Variants in YARS1 observed in about 807,000 individuals in gnomAD.
YARS1 encodes tyrosyl-tRNA synthetase 1.
A neutral mutation model predicts 62.2 loss-of-function variants in YARS1; 36 were observed. The ratio of observed to expected loss-of-function variants is 0.58; its 90% CI spans 0.44 to 0.76. The LOEUF is 0.76. Among genes scored for constraint, YARS1 ranks in the 30% least tolerant of loss-of-function variants. The pLI, the probability that YARS1 is intolerant of heterozygous loss-of-function variation, is 0.00. For synonymous variants in YARS1, 234 were observed against 244.9 expected (o/e 0.96, Z 0.42); for missense variants, 524 against 639.8 (o/e 0.82, Z 1.95).
chr1:32,791,337 A>C, intron 5 of YARS1, 83 bp from the exon 6 acceptor site: 2 of 1,060,734 alleles, frequency 1.9e-6, no homozygotes, highest in Non-Finnish European at 3.0e-6. Flanking sequence ...CTTGGCCAGC[A>C]ACTGAGTAGT....
chr1:32,810,712 A>G lies in YARS1; in HGVS notation c.259T>C (p.Trp87Arg). The G allele has an allele frequency of 6.2e-7, 1 of 1,614,164 alleles. No homozygotes were observed. The highest frequency in any genetic ancestry group is 8.5e-7 in the Non-Finnish European group (1 of 1,180,022). The change falls in exon 3 of 13, where the codon TGG (tryptophan) becomes CGG (arginine). Residue 87 changes from tryptophan (W) to arginine (R), a missense_variant. Coordinates refer to ENST00000373477, the MANE Select transcript of YARS1 (RefSeq NM_003680.4). ...CTGACTCGGAGTTCTAGAAGTTCCC[A>G]TGGGGCTTTCATGTTATCCAGGTAT... ...HAYLDNMKAP[W>R]ELLELRVSYY...
chr1:32,782,358 A>T (rs745481662), intron 9 of YARS1, 46 bp downstream of exon 9: 43 of 1,613,594 alleles, frequency 2.7e-5, no homozygotes, highest in Non-Finnish European at 3.6e-5. Flanking sequence ...GCTCATTGAC[A>T]AGCTCTCTCT....
At chr1:32,805,805 C>CA (rs991485889) in intron 4 of YARS1, among the ~76,000 whole-genome samples, 5 of 151,720 alleles carry the variant, frequency 3.3e-5, no homozygotes, top group East Asian at 3.9e-4. Flanking sequence ...ACTAAAAATA[C>CA]AAAAAAAATC....
intron 4 of YARS1, among the ~76,000 whole-genome samples, chr1:32,803,035 T>G (rs1638342764): frequency 7.0e-6 from 1 of 143,130 alleles, no homozygotes. Flanking sequence ...CGGGCTGGAG[T>G]GCAATGGTGC....
At chr1:32,797,697 G>C in intron 5 of YARS1, 66 bp downstream of exon 5, 3 of 1,370,346 alleles carry the variant, frequency 2.2e-6, no homozygotes, top group Non-Finnish European at 3.1e-6. Context: ...ACACATCATA[G>C]TTCAATAAAC....
intron 6 of YARS1, among the ~76,000 whole-genome samples, chr1:32,788,253 T>C (rs1429471593): frequency 6.6e-6 from 1 of 152,166 alleles, no homozygotes; most frequent in Non-Finnish European, 1.5e-5. Context: ...GGTCCTTACT[T>C]ACAATTTTTT....
intron 4 of YARS1, chr1:32,798,364 A>G (rs1364958405): frequency 5.8e-6 from 1 of 172,012 alleles, no homozygotes; most frequent in African/African-American, 2.4e-5. Context: ...TGGGATAAAA[A>G]AATAAGAGTA....
At chr1:32,780,485 G>C in intron 10 of YARS1, 1 of 606,124 alleles carries the variant, frequency 1.6e-6, no homozygotes, top group African/African-American at 1.8e-5. Context: ...GGCCAGATTT[G>C]AGTAAAGTGG....
rs1425216754 is a variant in YARS1, at chr1:32,775,983, A to G, written c.1585T>C (p.Ter529GlnextTer12). 6.2e-7 allele frequency: 1 copy of G among 1,612,834 alleles called. No individual in the cohort carries two copies. Among genetic ancestry groups the G allele is most frequent in the Non-Finnish European group, 8.5e-7 (1 of 1,178,846 alleles). Residue 529 changes from the stop codon to glutamine, a stop_lost, in exon 13 of 13, where the codon TAG becomes CAG. Transcript: ENST00000373477. ...AAGGGGGGAAGATGCTGGGCTGGCT[A>G]GCTAATGTTCCCCCCTTTCAGCGAT... ...CKSLKGGNIS[*>Q] is the part of the protein sequence containing the mutation.
At chr1:32,792,992 A>G (rs1226662131) in intron 5 of YARS1, among the ~76,000 whole-genome samples, 1 of 152,022 alleles carries the variant, frequency 6.6e-6, no homozygotes, top group East Asian at 1.9e-4. Context: ...AGGCAGACAA[A>G]ATGGATGAAA....
At chr1:32,786,228 T>G (rs1285811675) in intron 8 of YARS1, 134 bp downstream of exon 8, 3 of 882,142 alleles carry the variant, frequency 3.4e-6, no homozygotes, top group Non-Finnish European at 5.5e-6. Flanking sequence ...CTAGTGAGAT[T>G]ACCAAAAGTA....
intron 4 of YARS1, among the ~76,000 whole-genome samples, chr1:32,805,105 G>A (rs1638421667): frequency 6.6e-6 from 1 of 152,012 alleles, no homozygotes; most frequent in Admixed American, 6.6e-5. Flanking sequence ...GCACGCGCCT[G>A]CAATCCCAGG....
intron 11 of YARS1, chr1:32,779,830 T>C (rs1477039288): frequency 4.9e-6 from 3 of 611,172 alleles, no homozygotes; most frequent in Non-Finnish European, 8.6e-6. Flanking sequence ...GCTCCACTCC[T>C]TACTAGTAGT....
At position 32,782,440 on chromosome 1, in the gene YARS1, G is replaced by GA. The variant is rs2148601348; in HGVS notation, c.1005_1006insT (p.Leu336SerfsTer58). On this transcript the variant is annotated frameshift_variant, in exon 9 of 13. Transcript: ENST00000373477. LOFTEE classifies it high-confidence loss of function. ...GGATCTGGGTAGGCAGCGCTGGCCA[G>GA]TTTTTTCAGGGCAGGGGTATTAAAC... The GA allele has an allele frequency of 6.2e-7, 1 of 1,614,088 alleles. No homozygotes were observed. Among genetic ancestry groups the GA allele is most frequent in the Non-Finnish European group, 8.5e-7 (1 of 1,180,000 alleles).
Position 32,786,416 on chromosome 1 carries a change from AC to A in YARS1, c.851del (p.Gly284ValfsTer26). On this transcript the variant is annotated frameshift_variant, in exon 8 of 13. Transcript: ENST00000373477. LOFTEE classifies it high-confidence loss of function. Reference protein sequence around the residue: ...EFVILRDEKWGGNKTYTAYVD... With the variant: ...EFVILRDEKWXGNKTYTAYVD... ...CGTAAGCTGTGTAGGTTTTGTTTCC[AC>A]CCCATTTCTCATCTCGTAGGATCAC... The A allele has an allele frequency of 6.2e-7, 1 of 1,613,788 alleles. No individual in the cohort carries two copies. Among genetic ancestry groups the A allele is most frequent in the Non-Finnish European group, 8.5e-7 (1 of 1,179,972 alleles).
intron 10 of YARS1, chr1:32,780,721 G>A (rs1284989749): frequency 9.1e-6 from 4 of 439,700 alleles, no homozygotes; most frequent in Non-Finnish European, 1.7e-5. Flanking sequence ...AGGGGGCAAA[G>A]TGGCCCATCC....
chr1:32,802,781 T>G (rs1453289103), intron 4 of YARS1, among the ~76,000 whole-genome samples: 2 of 152,142 alleles, frequency 1.3e-5, no homozygotes, highest in African/African-American at 4.8e-5. Context: ...CAGGCTTTGT[T>G]GTTCCATTTA....
At chr1:32,779,833 C>T (rs965163837) in intron 11 of YARS1, 1 of 611,984 alleles carries the variant, frequency 1.6e-6, no homozygotes, top group African/African-American at 1.8e-5. Context: ...CCACTCCTTA[C>T]TAGTAGTAAG....
rs562269033 is a variant in YARS1 at position 32,807,931 on chromosome 1, A to G, written c.381-1320T>C. 2.2e-4 allele frequency among the ~76,000 whole-genome samples: 33 copies of G among 152,112 alleles called. 1 individual carries two copies. The South Asian group carries it at 6.8e-3, about 31-fold the overall frequency. The stretch of plus-strand genomic sequence containing the variant: ...ATTTCCATGTTTTTTTGTTTTTGAG[A>G]CAGGATCTTGCTCTGTTGCCCAGGT... On this transcript the variant is annotated intron_variant, in intron 3 of 12. Transcript: ENST00000373477.
Sources: gnomAD v4.1 joint callset for allele counts (sites outside exome capture counted in the v4.1 genomes callset) on GRCh38, gnomAD v4.1.1 for gene constraint, MANE v1.5 for transcripts, NCBI Gene and HGNC (gene_info 2026-07-23, HGNC 2026-07-21) for gene names.